Variants in CNTN4 observed in about 807,000 individuals in gnomAD.
CNTN4 encodes contactin-4.
Under a neutral mutation model 122.5 loss-of-function variants are expected in CNTN4, and 77 were observed. The ratio of observed to expected loss-of-function variants is 0.63; its 90% CI spans 0.52 to 0.76. CNTN4 has a LOEUF of 0.76. Among genes scored for constraint, CNTN4 ranks in the 30% least tolerant of loss-of-function variants. The pLI, the probability that CNTN4 is intolerant of heterozygous loss-of-function variation, is 0.00. For synonymous variants in CNTN4, 512 were observed against 447.0 expected (o/e 1.15, Z -1.83); for missense variants, 1,256 against 1,259.1 (o/e 1.00, Z 0.04).
intron 3 of CNTN4, among the ~76,000 whole-genome samples, chr3:2,450,804 G>A (rs1320798129): frequency 1.3e-5 from 2 of 152,188 alleles, no homozygotes; most frequent in Non-Finnish European, 2.9e-5. Context: ...AACCAAACAA[G>A]TTACAGGCAA....
At chr3:2,705,945 A>G (rs1292704866) in intron 4 of CNTN4, among the ~76,000 whole-genome samples, 1 of 129,526 alleles carries the variant, frequency 7.7e-6, no homozygotes, top group Admixed American at 9.3e-5. Context: ...ATAAATAAAT[A>G]TATAATATAT....
intron 2 of CNTN4, among the ~76,000 whole-genome samples, chr3:2,172,388 TG>T (rs1192562979): frequency 6.6e-6 from 1 of 152,022 alleles, no homozygotes; most frequent in Non-Finnish European, 1.5e-5. Flanking sequence ...TAATGGACTT[TG>T]GGGACTTGAG....
At chr3:3,023,222 T>A (rs114743273) in intron 14 of CNTN4, among the ~76,000 whole-genome samples, 2,035 of 152,282 alleles carry the variant, frequency 0.013, 50 homozygotes, top group African/African-American at 0.046. Flanking sequence ...AGTTTAATCT[T>A]TTCTTGTCCC....
chr3:2,732,794 A>G (rs1381138241), intron 4 of CNTN4, among the ~76,000 whole-genome samples: 1 of 152,060 alleles, frequency 6.6e-6, no homozygotes, highest in Non-Finnish European at 1.5e-5. Flanking sequence ...TTTTTTTAAT[A>G]CCTTGATAGC....
intron 13 of CNTN4, among the ~76,000 whole-genome samples, chr3:2,942,142 T>G (rs1374717270): frequency 6.6e-6 from 1 of 152,214 alleles, no homozygotes; most frequent in Non-Finnish European, 1.5e-5. Flanking sequence ...CTTAGGGCTT[T>G]AGTCAATAAG....
At chr3:2,522,926 C>T (rs1046445456) in intron 3 of CNTN4, among the ~76,000 whole-genome samples, 1 of 151,962 alleles carries the variant, frequency 6.6e-6, no homozygotes, top group Non-Finnish European at 1.5e-5. Flanking sequence ...TAGCTCTGTC[C>T]ACCTGTCAAG....
chr3:2,572,385 C>G (rs983373585), intron 4 of CNTN4, among the ~76,000 whole-genome samples: 1 of 151,720 alleles, frequency 6.6e-6, no homozygotes, highest in African/African-American at 2.4e-5. Flanking sequence ...GGCTCGGTCT[C>G]AAAAAAATAA....
chr3:2,437,223 C>G lies in CNTN4; in HGVS notation c.-89+97990C>G, dbSNP rs973436500. Among the ~76,000 whole-genome samples the G allele has an allele frequency of 2.6e-5, 4 of 152,112 alleles. No individual in the cohort carries two copies. In the East Asian group the frequency reaches 7.7e-4, roughly 29 times the overall value. On this transcript the variant is annotated intron_variant, in intron 3 of 24. Transcript: ENST00000418658. ...AATTCTAGCGAGTAAAGGGAAGACT[C>G]TAATAATTAAGTCTGTTTAGTTGAC...
chr3:2,730,378 T>G (rs1429605656), intron 4 of CNTN4, among the ~76,000 whole-genome samples: 2 of 152,184 alleles, frequency 1.3e-5, no homozygotes, highest in African/African-American at 4.8e-5. Flanking sequence ...CATTTCAGAT[T>G]TTGGATTTTT....
Position 2,524,221 on chromosome 3 carries a change from A to T in CNTN4, c.-88-47195A>T, listed in dbSNP as rs75097328. 4.6e-5 allele frequency among the ~76,000 whole-genome samples: 7 copies of T among 152,208 alleles called. No individual in the cohort carries two copies. In the East Asian group the frequency reaches 1.4e-3, roughly 29 times the overall value. ...TGCCTCGTCTGGATGTTTTATATAA[A>T]TGGAATCATACAATATGTGGTCTCT... On this transcript the variant is annotated intron_variant, in intron 3 of 24. Transcript: ENST00000418658.
At chr3:2,916,046 G>A (rs2094349963) in intron 12 of CNTN4, among the ~76,000 whole-genome samples, 1 of 152,174 alleles carries the variant, frequency 6.6e-6, no homozygotes, top group South Asian at 2.1e-4. Context: ...ATGGGGAGTT[G>A]GGTAATGGGT....
chr3:2,706,954 G>A (rs761331556), intron 4 of CNTN4, among the ~76,000 whole-genome samples: 7 of 152,082 alleles, frequency 4.6e-5, no homozygotes, highest in Admixed American at 1.3e-4. Flanking sequence ...TAACTGGCAT[G>A]GGGAAGCACT....
intron 6 of CNTN4, among the ~76,000 whole-genome samples, chr3:2,784,645 G>C (rs2091739199): frequency 1.3e-5 from 2 of 151,644 alleles, no homozygotes; most frequent in African/African-American, 2.4e-5. Flanking sequence ...AATAATGTGG[G>C]AGCATTACAG....
chr3:2,870,774 T>C (rs2093775232), intron 8 of CNTN4, among the ~76,000 whole-genome samples: 1 of 152,242 alleles, frequency 6.6e-6, no homozygotes. Flanking sequence ...AGAGCACATG[T>C]AGCTGGCAGA....
intron 3 of CNTN4, among the ~76,000 whole-genome samples, chr3:2,547,869 A>T (rs2078313739): frequency 6.6e-6 from 1 of 152,100 alleles, no homozygotes; most frequent in African/African-American, 2.4e-5. Context: ...CCAGGAAATT[A>T]TTTCTTGTTT....
intron 2 of CNTN4, among the ~76,000 whole-genome samples, chr3:2,169,614 G>A (rs1355205535): frequency 1.3e-5 from 2 of 151,862 alleles, no homozygotes; most frequent in Non-Finnish European, 2.9e-5. Flanking sequence ...AGCCAGGATG[G>A]TCTCGATCTC....
chr3:2,840,479 T>C (rs1486685451), intron 7 of CNTN4, among the ~76,000 whole-genome samples: 13 of 145,774 alleles, frequency 8.9e-5, no homozygotes, highest in East Asian at 6.2e-4. Context: ...GGCGGGCGGA[T>C]CACGAGGTCA....
At chr3:3,014,724 C>A (rs1272861416) in intron 14 of CNTN4, among the ~76,000 whole-genome samples, 1 of 151,592 alleles carries the variant, frequency 6.6e-6, no homozygotes, top group Non-Finnish European at 1.5e-5. Context: ...ACCTCCATTA[C>A]CCTTTATATT....
chr3:2,960,268 G>A (rs2094839389), intron 13 of CNTN4, among the ~76,000 whole-genome samples: 2 of 152,188 alleles, frequency 1.3e-5, no homozygotes, highest in East Asian at 1.9e-4. Flanking sequence ...AATGTAATAT[G>A]TAATAATGAC....
Sources: allele counts gnomAD v4.1 joint callset (sites outside exome capture counted in the v4.1 genomes callset), GRCh38; gene constraint gnomAD v4.1.1; transcripts MANE v1.5; gene names NCBI Gene and HGNC (gene_info 2026-07-23, HGNC 2026-07-21).